NAV1: variants seen among roughly 807,000 people sequenced by gnomAD.
NAV1 encodes pore membrane and/or filament interacting like protein 3.
Under a neutral mutation model 175.2 loss-of-function variants are expected in NAV1, and 18 were observed. That is an observed-to-expected ratio of 0.10 (90% CI 0.07 to 0.15). The LOEUF (loss-of-function observed/expected upper bound fraction) is 0.15, where lower values mean the gene tolerates loss of function less well. Ranked by LOEUF, NAV1 falls within the 10% of genes least tolerant of loss-of-function variation. The pLI is 1.00. For synonymous variants in NAV1, 897 were observed against 978.7 expected (o/e 0.92, Z 1.56); for missense variants, 1,731 against 2,436.6 (o/e 0.71, Z 6.10).
upstream of NAV1, among the ~76,000 whole-genome samples, chr1:201,619,403 G>A (rs1308067694): frequency 1.3e-5 from 2 of 152,184 alleles, no homozygotes; most frequent in African/African-American, 4.8e-5. Context: ...GAGTTGGGGA[G>A]GAACTCCCAG....
intron 1 of NAV1, among the ~76,000 whole-genome samples, chr1:201,670,184 G>A (rs1220379446): frequency 6.6e-6 from 1 of 151,452 alleles, no homozygotes; most frequent in African/African-American, 2.4e-5. Context: ...GAGGTCAGGA[G>A]ATCAAGACCA....
intron 3 of NAV1, among the ~76,000 whole-genome samples, chr1:201,722,985 C>A (rs1377630495): frequency 1.3e-5 from 2 of 152,170 alleles, no homozygotes; most frequent in Non-Finnish European, 2.9e-5. Flanking sequence ...GTGGTGCGTG[C>A]CTGTAATACC....
intron 2 of NAV1, among the ~76,000 whole-genome samples, chr1:201,642,398 G>C (rs562750336): frequency 1.3e-5 from 2 of 151,612 alleles, no homozygotes; most frequent in Admixed American, 1.3e-4. Flanking sequence ...TTGTTTGTTT[G>C]TTTGTTTTAG....
At chr1:201,546,894 ACT>A (rs1454793305) in intron 1 of NAV1, among the ~76,000 whole-genome samples, 4 of 144,936 alleles carry the variant, frequency 2.8e-5, no homozygotes, top group Admixed American at 7.0e-5. Context: ...ACAGAATGAA[ACT>A]CTGTCTCAAA....
chr1:201,653,922 A>G (rs896924230), intron 1 of NAV1, among the ~76,000 whole-genome samples: 1 of 152,224 alleles, frequency 6.6e-6, no homozygotes, highest in Admixed American at 6.5e-5. Flanking sequence ...GGTTGGTACC[A>G]ATAATATTTC....
At chr1:201,723,373 G>A (rs1672471720) in intron 3 of NAV1, 1 of 152,132 alleles carries the variant, frequency 6.6e-6, no homozygotes, top group Non-Finnish European at 1.5e-5. Flanking sequence ...CTTTCATTCT[G>A]TGTATTGGGT....
At chr1:201,590,559 G>A (rs1051404715) in intron 2 of NAV1, among the ~76,000 whole-genome samples, 7 of 152,100 alleles carry the variant, frequency 4.6e-5, no homozygotes, top group African/African-American at 1.7e-4. Context: ...CTGGTCCCTG[G>A]CAACCCCTGG....
chr1:201,606,678 T>C (rs1440885394), intron 2 of NAV1, among the ~76,000 whole-genome samples: 3 of 152,214 alleles, frequency 2.0e-5, no homozygotes, highest in Non-Finnish European at 4.4e-5. Context: ...TCTGTGTTCA[T>C]TGGGGAAGAA....
intron 2 of NAV1, among the ~76,000 whole-genome samples, chr1:201,713,371 G>T (rs996655471): frequency 6.6e-6 from 1 of 152,132 alleles, no homozygotes; most frequent in Non-Finnish European, 1.5e-5. Context: ...TGTCAGTTAG[G>T]TGCCCCCTGG....
chr1:201,583,408 G>A (rs564570400), intron 1 of NAV1, among the ~76,000 whole-genome samples: 4 of 152,288 alleles, frequency 2.6e-5, no homozygotes, highest in African/African-American at 9.6e-5. Flanking sequence ...TATCTCTCCC[G>A]CTCCCATTAT....
At chr1:201,653,501 G>C (rs1359151378) in intron 1 of NAV1, among the ~76,000 whole-genome samples, 1 of 152,058 alleles carries the variant, frequency 6.6e-6, no homozygotes, top group East Asian at 1.9e-4. Flanking sequence ...GAATTTTTTG[G>C]GGGGGAGGGG....
In NAV1 at chr1:201,810,635, C is replaced by T; in HGVS notation, c.4674C>T (p.Gly1558=). The change falls in exon 24 of 30, where the codon GGC becomes GGT. Residue 1558 remains glycine (G), a synonymous_variant. Transcript: ENST00000367296. The surrounding 1 kb of genome is among the most constrained non-coding windows in gnomAD (Gnocchi z 6.0). ...AGCACCGGCGCCTCGTCCTCTCGGGCCCCAGCGGCACGGGCAAGACCTACC... is the reference window on the plus strand; with the variant it reads ...AGCACCGGCGCCTCGTCCTCTCGGGTCCCAGCGGCACGGGCAAGACCTACC... 6.2e-7 allele frequency: 1 copy of T among 1,614,122 alleles called. No homozygotes were observed. The highest frequency in any genetic ancestry group is 8.5e-7 in the Non-Finnish European group (1 of 1,180,024).
intron 3 of NAV1, among the ~76,000 whole-genome samples, chr1:201,744,227 C>T (rs1030359427): frequency 6.6e-6 from 1 of 152,224 alleles, no homozygotes; most frequent in Admixed American, 6.5e-5. Flanking sequence ...TTTAACCTTT[C>T]CTCCCTGACA....
At chr1:201,677,722 G>A (rs558395929) in intron 1 of NAV1, among the ~76,000 whole-genome samples, 2 of 152,132 alleles carry the variant, frequency 1.3e-5, no homozygotes, top group Non-Finnish European at 2.9e-5. Context: ...TCGCCTCCCA[G>A]GCATGGGCGA....
intron 1 of NAV1, among the ~76,000 whole-genome samples, chr1:201,587,894 A>T (rs552433778): frequency 2.6e-5 from 4 of 152,386 alleles, no homozygotes; most frequent in African/African-American, 7.2e-5. Context: ...GATGGCTAAA[A>T]TAAAAAAGAC....
At position 201,782,474 on chromosome 1, in the gene NAV1, T is replaced by G. The variant is rs762007165; in HGVS notation, c.1962T>G (p.Ser654Arg). ...AGACTAGCTTAGATGTTTCCAACAG[T>G]GCAGAGCCAGGATTCCTGGCTCCTG... The change falls in exon 6 of 30, where the codon AGT (serine) becomes AGG (arginine). Residue 654 changes from serine to arginine, a missense_variant. Physicochemically the swap from Ser to Arg is moderately radical, Grantham distance 110. Coordinates refer to ENST00000367296, the Ensembl canonical transcript of NAV1. This position sits in a 1 kb window ranked among gnomAD's most constrained non-coding sequence, Gnocchi z 5.4. 7 of 1,613,524 alleles carry G rather than the reference T, an allele frequency of 4.3e-6. No individual in the cohort carries two copies. Among genetic ancestry groups the G allele is most frequent in the Non-Finnish European group, 5.9e-6 (7 of 1,179,604 alleles).
At chr1:201,590,332 AG>A (rs1558009118) in intron 2 of NAV1, among the ~76,000 whole-genome samples, 1 of 152,184 alleles carries the variant, frequency 6.6e-6, no homozygotes, top group Admixed American at 6.5e-5. Flanking sequence ...ATCCCCTTCC[AG>A]GGTCCCACCC....
chr1:201,662,860 G>A (rs896137201), intron 1 of NAV1, among the ~76,000 whole-genome samples: 4 of 146,452 alleles, frequency 2.7e-5, no homozygotes, highest in African/African-American at 1.0e-4. Context: ...TGATACTTTA[G>A]CTTAGACTCT....
intron 1 of NAV1, among the ~76,000 whole-genome samples, chr1:201,585,631 T>G (rs1345428683): frequency 2.0e-5 from 3 of 152,010 alleles, no homozygotes; most frequent in Admixed American, 6.6e-5. Context: ...CAAAAAAAAC[T>G]GATTTTTTAA....
Sources: allele counts gnomAD v4.1 joint callset (sites outside exome capture counted in the v4.1 genomes callset), GRCh38; gene constraint gnomAD v4.1.1; non-coding constraint Gnocchi (gnomAD v3.1); transcripts MANE v1.5; gene names NCBI Gene and HGNC (gene_info 2026-07-23, HGNC 2026-07-21).